Variants in IGF1R observed in about 807,000 individuals in gnomAD.
IGF1R encodes the protein insulin like growth factor 1 receptor.
Under a neutral mutation model 144.6 loss-of-function variants are expected in IGF1R, and 44 were observed. That is an observed-to-expected ratio of 0.30 (90% CI 0.24 to 0.39). The LOEUF is 0.39. Ranked by LOEUF, IGF1R falls within the 10% of genes least tolerant of loss-of-function variation. The probability of loss-of-function intolerance (pLI) is 1.00; values close to 1 mark genes in which losing one functional copy is unlikely to be tolerated. For synonymous variants in IGF1R, 795 were observed against 722.8 expected, an observed-to-expected ratio of 1.10 and a Z score of -1.60; for missense variants, 1,355 against 1,833.7, an observed-to-expected ratio of 0.74 and a Z score of 4.77.
intron 2 of IGF1R, among the ~76,000 whole-genome samples, chr15:98,841,050 C>A (rs1017999151): frequency 6.6e-6 from 1 of 152,006 alleles, no homozygotes; most frequent in South Asian, 2.1e-4. Flanking sequence ...CGTGAGCCAC[C>A]GCATCTGGTC....
rs193061346 is a variant in IGF1R, at chr15:98,863,081, G to A, written c.641-28244G>A. Among the ~76,000 whole-genome samples, 594 of 152,270 alleles carry A rather than the reference G, an allele frequency of 3.9e-3. 5 individuals are homozygous for A. The highest frequency in any genetic ancestry group is 6.6e-3 in the Non-Finnish European group (452 of 68,026). ...TGTTCAGTTTTTCTAATTCTGGGAC[G>A]TTTTCCTGGGTTTTCTTTAGTCATT... On this transcript the variant is annotated intron_variant, in intron 2 of 20. Coordinates refer to ENST00000650285, the MANE Select transcript of IGF1R (RefSeq NM_000875.5).
Position 98,935,181 on chromosome 15 carries a change from C to A in IGF1R, c.3186+128C>A. 1.0e-6 allele frequency: 1 copy of A among 955,468 alleles called. No homozygotes were observed. The highest frequency in any genetic ancestry group is 1.7e-6 in the Non-Finnish European group (1 of 603,890). 59.2% of individuals were successfully genotyped at this position (955,468 alleles called of 1,614,324 possible). A position where few individuals can be genotyped will look rare whatever the true frequency, so the allele number is the denominator to read the frequency against. ...TTGCCTTTGCCTTCTGGATAGTTAC[C>A]CCATTACCTCACTGCTACCTTCAGA... On this transcript the variant is annotated intron_variant, in intron 16 of 20. Transcript: ENST00000650285. The surrounding 1 kb of genome is among the most constrained non-coding windows in gnomAD (Gnocchi z 4.2).
At chr15:98,702,629 T>A (rs2053763642) in intron 1 of IGF1R, among the ~76,000 whole-genome samples, 2 of 152,216 alleles carry the variant, frequency 1.3e-5, no homozygotes, top group Non-Finnish European at 1.5e-5. Flanking sequence ...TGCCTGACTT[T>A]TAAGGCTTTC....
chr15:98,665,911 G>A (rs2052725569), intron 1 of IGF1R, among the ~76,000 whole-genome samples: 1 of 65,666 alleles, frequency 1.5e-5, no homozygotes, highest in East Asian at 7.9e-4. Context: ...CTTGGTAGAT[G>A]GACTTGAATG....
In IGF1R at chr15:98,929,668, A is replaced by G. The variant is rs2015864975; in HGVS notation, c.2885+8A>G. The stretch of plus-strand genomic sequence containing the variant: ...CGTCTTCCATAGAAAGAGGTCAGTG[A>G]TGTGCAAAGTTATGACACTTTCTGT... On this transcript the variant is annotated splice_region_variant and intron_variant, in intron 14 of 20. Coordinates refer to ENST00000650285, the MANE Select transcript of IGF1R (RefSeq NM_000875.5). 2 of 1,581,736 alleles carry G rather than the reference A, an allele frequency of 1.3e-6. No individual in the cohort carries two copies. The highest frequency in any genetic ancestry group is 2.2e-5 in the East Asian group (1 of 44,728).
chr15:98,697,262 C>T lies in IGF1R; in HGVS notation c.95-10300C>T, dbSNP rs114296381. Among the ~76,000 whole-genome samples the T allele has an allele frequency of 7.8e-3, 1,194 of 152,292 alleles. 7 individuals carry two copies. Among genetic ancestry groups the T allele is most frequent in the South Asian group, 0.022 (105 of 4,826 alleles). Reference sequence around the variant, plus strand: ...AACGCAGTCGGTTGTGGCTTCTGCCCTTGAAACATCAGATAGTGAGAACCT... The same window carrying T: ...AACGCAGTCGGTTGTGGCTTCTGCCTTTGAAACATCAGATAGTGAGAACCT... On this transcript the variant is annotated intron_variant, in intron 1 of 20. Transcript: ENST00000650285.
intron 2 of IGF1R, among the ~76,000 whole-genome samples, chr15:98,865,631 T>C (rs2012395793): frequency 6.6e-6 from 1 of 152,214 alleles, no homozygotes; most frequent in South Asian, 2.1e-4. Flanking sequence ...TTTTCTCTTT[T>C]AATTCTTTAA....
chr15:98,769,990 C>CTTCCT (rs2055542964), intron 2 of IGF1R, among the ~76,000 whole-genome samples: 1 of 152,114 alleles, frequency 6.6e-6, no homozygotes, highest in African/African-American at 2.4e-5. Flanking sequence ...CTGTGGTCTT[C>CTTCCT]GGTTGCTTCC....
chr15:98,724,312 C>G (rs2054310993), intron 2 of IGF1R, among the ~76,000 whole-genome samples: 1 of 152,134 alleles, frequency 6.6e-6, no homozygotes, highest in African/African-American at 2.4e-5. Context: ...GTGTGGGTCC[C>G]AGAAATGAGT....
At chr15:98,808,101 G>A (rs912434271) in intron 2 of IGF1R, among the ~76,000 whole-genome samples, 16 of 152,174 alleles carry the variant, frequency 1.1e-4, no homozygotes, top group African/African-American at 3.9e-4. Flanking sequence ...AAGGTACGTG[G>A]GATAGCCTGG....
chr15:98,688,655 C>G (rs1028806870), intron 1 of IGF1R, among the ~76,000 whole-genome samples: 1 of 151,186 alleles, frequency 6.6e-6, no homozygotes, highest in African/African-American at 2.4e-5. Flanking sequence ...CTTAAGTCCT[C>G]ATTTTTTTTT....
chr15:98,797,874 A>G (rs977228324), intron 2 of IGF1R, among the ~76,000 whole-genome samples: 3 of 152,242 alleles, frequency 2.0e-5, no homozygotes, highest in African/African-American at 7.2e-5. Flanking sequence ...GCTATGAAAA[A>G]AATACAGACT....
intron 2 of IGF1R, among the ~76,000 whole-genome samples, chr15:98,814,333 AT>A (rs1219436841): frequency 6.6e-6 from 1 of 152,010 alleles, no homozygotes; most frequent in East Asian, 1.9e-4. Context: ...CGGTGCCCTT[AT>A]ATGATTTGGA....
rs377146920 is a variant in IGF1R, at chr15:98,852,138, T to C, written c.641-39187T>C. 3.5e-3 allele frequency among the ~76,000 whole-genome samples: 539 copies of C among 152,350 alleles called. 4 individuals are homozygous for C. Among genetic ancestry groups the C allele is most frequent in the African/African-American group, 0.012 (512 of 41,586 alleles). Reference sequence around the variant, plus strand: ...AAGACGAAGAAGAGGAGCCGAATTATGGAAACAAAACCTTTGCGGTTTTCC... The same window carrying C: ...AAGACGAAGAAGAGGAGCCGAATTACGGAAACAAAACCTTTGCGGTTTTCC... On this transcript the variant is annotated intron_variant, in intron 2 of 20. Transcript: ENST00000650285.
Position 98,957,647 on chromosome 15 carries a change from A to C in IGF1R, c.*205A>C. The C allele has an allele frequency of 1.6e-6, 1 of 638,658 alleles. No individual in the cohort carries two copies. The highest frequency in any genetic ancestry group is 2.7e-6 in the Non-Finnish European group (1 of 366,198). The allele number at this position is 638,658 out of a possible 1,614,324, so 39.6% of individuals were successfully genotyped here. On this transcript the variant is annotated 3_prime_UTR_variant, in exon 21 of 21. Transcript: ENST00000650285. ...TTTTTCAATATGCAAGCAGCTTTTT[A>C]TTCCCTGCCCAAACCCTTAACTGAC...
intron 2 of IGF1R, among the ~76,000 whole-genome samples, chr15:98,735,143 G>C (rs1363576163): frequency 6.6e-6 from 1 of 152,200 alleles, no homozygotes; most frequent in Non-Finnish European, 1.5e-5. Flanking sequence ...GGGTTTTGCA[G>C]CCTGGGGAGA....
At position 98,957,378 on chromosome 15, in the gene IGF1R, C is replaced by G; in HGVS notation, c.4040C>G (p.Ala1347Gly). ...AGCTTCGACGAGAGACAGCCTTACG[C>G]CCACATGAACGGGGGCCGCAAGAAC... is the stretch of plus-strand genomic sequence containing the variant. ...RASFDERQPYAHMNGGRKNER... is the reference protein window; with the variant it reads ...RASFDERQPYGHMNGGRKNER... Residue 1347 changes from alanine (A) to glycine (G), a missense_variant, in exon 21 of 21, where the codon GCC (alanine) becomes GGC (glycine). Physicochemically the swap from Ala to Gly is moderately conservative, Grantham distance 60. Transcript: ENST00000650285. 6.2e-7 allele frequency: 1 copy of G among 1,613,378 alleles called. No homozygotes were observed. Among genetic ancestry groups the G allele is most frequent in the Non-Finnish European group, 8.5e-7 (1 of 1,180,000 alleles).
At chr15:98,772,510 A>ATTATTATTATTATTGTTATTG (rs60796484) in intron 2 of IGF1R, among the ~76,000 whole-genome samples, 24 of 141,948 alleles carry the variant, frequency 1.7e-4, no homozygotes, top group Admixed American at 7.9e-4. Flanking sequence ...TATTATTATT[A>ATTATTATTATTATTGTTATTG]TTATTTTAAG....
intron 2 of IGF1R, among the ~76,000 whole-genome samples, chr15:98,862,911 A>G (rs1179250911): frequency 6.6e-6 from 1 of 152,214 alleles, no homozygotes; most frequent in Admixed American, 6.5e-5. Context: ...CATCTTACAT[A>G]ACCGTAATAC....
Sources: gnomAD v4.1 joint callset for allele counts (sites outside exome capture counted in the v4.1 genomes callset) on GRCh38, gnomAD v4.1.1 for gene constraint, Gnocchi (gnomAD v3.1) non-coding constraint, MANE v1.5 for transcripts, NCBI Gene and HGNC (gene_info 2026-07-23, HGNC 2026-07-21) for gene names.